CDK19: variants seen among roughly 807,000 people sequenced by gnomAD.
CDK19 encodes cyclin dependent kinase 19.
Under a neutral mutation model 68.3 loss-of-function variants are expected in CDK19, and 20 were observed. The observed-to-expected ratio is 0.29, with a 90% CI of 0.21 to 0.43. The LOEUF (loss-of-function observed/expected upper bound fraction) is 0.43, where lower values mean the gene tolerates loss of function less well. Among genes scored for constraint, CDK19 ranks in the 20% least tolerant of loss-of-function variants. The probability of loss-of-function intolerance (pLI) is 1.00; values close to 1 mark genes in which losing one functional copy is unlikely to be tolerated. For synonymous variants in CDK19, 221 were observed against 222.8 expected (o/e 0.99, Z 0.07); for missense variants, 339 against 623.5 (o/e 0.54, Z 4.86).
At chr6:110,737,830 A>C (rs79045787) in intron 2 of CDK19, among the ~76,000 whole-genome samples, 7,324 of 152,232 alleles carry the variant, frequency 0.048, 184 homozygotes, top group Middle Eastern at 0.078. Flanking sequence ...AGGAAAAAAA[A>C]CCCACATTTT....
At chr6:110,753,659 T>C (rs1778635777) in intron 1 of CDK19, among the ~76,000 whole-genome samples, 1 of 152,014 alleles carries the variant, frequency 6.6e-6, no homozygotes, top group South Asian at 2.1e-4. Context: ...GTGCTGGGAT[T>C]AGAGGGGTGA....
chr6:110,723,341 C>G (rs556653760), intron 2 of CDK19, among the ~76,000 whole-genome samples: 2 of 152,152 alleles, frequency 1.3e-5, no homozygotes, highest in South Asian at 4.1e-4. Context: ...TTCCAGTCTT[C>G]CCAACTGAGA....
At chr6:110,757,195 GATTA>G (rs765095031) in intron 1 of CDK19, among the ~76,000 whole-genome samples, 6 of 152,128 alleles carry the variant, frequency 3.9e-5, no homozygotes, top group Admixed American at 6.6e-5. Flanking sequence ...GAATTTAGAG[GATTA>G]ATTAACAGGA....
intron 1 of CDK19, among the ~76,000 whole-genome samples, chr6:110,799,475 A>T (rs758770399): frequency 6.6e-6 from 1 of 152,170 alleles, no homozygotes; most frequent in African/African-American, 2.4e-5. Flanking sequence ...CATATAACCT[A>T]TATGTATCCT....
At chr6:110,744,255 C>CT (rs1416186567) in intron 2 of CDK19, among the ~76,000 whole-genome samples, 1 of 151,956 alleles carries the variant, frequency 6.6e-6, no homozygotes, top group Non-Finnish European at 1.5e-5. Flanking sequence ...GATCCACCCC[C>CT]CCAACAGCCT....
chr6:110,670,718 T>C (rs937979198), intron 2 of CDK19, 177 bp from the exon 3 acceptor site: 2 of 655,938 alleles, frequency 3.0e-6, no homozygotes, highest in Middle Eastern at 2.4e-4. Context: ...GTCAATATCT[T>C]GGTGCATATC....
At chr6:110,693,963 C>T (rs1484422228) in intron 2 of CDK19, among the ~76,000 whole-genome samples, 1 of 151,180 alleles carries the variant, frequency 6.6e-6, no homozygotes, top group African/African-American at 2.4e-5. Context: ...GCAAGCACTA[C>T]AATAAATGCT....
intron 2 of CDK19, among the ~76,000 whole-genome samples, chr6:110,729,425 T>C (rs1032090364): frequency 6.8e-6 from 1 of 146,306 alleles, no homozygotes; most frequent in African/African-American, 2.5e-5. Flanking sequence ...TATGTTATTT[T>C]GTTGTTTGTT....
intron 1 of CDK19, among the ~76,000 whole-genome samples, chr6:110,782,897 C>T (rs867503038): frequency 6.6e-6 from 1 of 152,174 alleles, no homozygotes; most frequent in Non-Finnish European, 1.5e-5. Flanking sequence ...CAATTTTATA[C>T]ATTTTGCTTC....
intron 8 of CDK19, among the ~76,000 whole-genome samples, chr6:110,624,505 CAAAA>C (rs1260132230): frequency 6.6e-6 from 1 of 151,928 alleles, no homozygotes; most frequent in Non-Finnish European, 1.5e-5. Flanking sequence ...CACTCAGTGA[CAAAA>C]AAACCACTGA....
intron 2 of CDK19, among the ~76,000 whole-genome samples, chr6:110,720,867 CAA>C (rs60184209): frequency 4.6e-4 from 43 of 92,520 alleles, no homozygotes; most frequent in African/African-American, 7.0e-4. Flanking sequence ...GACTCTGTCT[CAA>C]AAAAAAAAAA....
intron 1 of CDK19, among the ~76,000 whole-genome samples, chr6:110,784,203 G>A (rs1175983362): frequency 2.9e-5 from 4 of 138,796 alleles, no homozygotes; most frequent in Non-Finnish European, 4.7e-5. Flanking sequence ...AAAGTGAAAA[G>A]GCAACTCAAA....
At chr6:110,721,406 A>G (rs1253611708) in intron 2 of CDK19, among the ~76,000 whole-genome samples, 2 of 152,110 alleles carry the variant, frequency 1.3e-5, no homozygotes, top group Non-Finnish European at 2.9e-5. Context: ...GACTTCACCA[A>G]GGCCTCTCCA....
intron 2 of CDK19, among the ~76,000 whole-genome samples, chr6:110,691,227 C>T (rs1360261810): frequency 1.3e-5 from 2 of 152,142 alleles, no homozygotes; most frequent in Non-Finnish European, 2.9e-5. Flanking sequence ...GTAATCCCAG[C>T]ACTCTGGGAG....
intron 4 of CDK19, among the ~76,000 whole-genome samples, chr6:110,642,203 A>T (rs530664074): frequency 6.6e-6 from 1 of 150,510 alleles, no homozygotes; most frequent in South Asian, 2.1e-4. Flanking sequence ...CAGGAGGCTG[A>T]GGCAGGAGAA....
rs532472148 is a variant in CDK19, at chr6:110,612,071, G to A, written c.*2464C>T. The A allele has an allele frequency of 3.3e-5, 5 of 152,356 alleles. No individual in the cohort carries two copies. The highest frequency in any genetic ancestry group is 1.2e-4 in the African/African-American group (5 of 41,580). 9.4% of individuals were successfully genotyped at this position (152,356 alleles called of 1,614,324 possible). A position where few individuals can be genotyped will look rare whatever the true frequency, so the allele number is the denominator to read the frequency against. ...TATACAAGGAAAACAGGGTAGTTCTGTGAATGTATAAGCGTAAGAACTATT... is the reference window on the plus strand; with the variant it reads ...TATACAAGGAAAACAGGGTAGTTCTATGAATGTATAAGCGTAAGAACTATT... On this transcript the variant is annotated 3_prime_UTR_variant, in exon 13 of 13. Transcript: ENST00000368911.
At chr6:110,812,812 T>TAAAAAA (rs66478846) in intron 1 of CDK19, among the ~76,000 whole-genome samples, 5,552 of 101,238 alleles carry the variant, frequency 0.055, 98 homozygotes, top group Middle Eastern at 0.095. Context: ...TTTAAAACAG[T>TAAAAAA]AAAAAAAAAA....
intron 2 of CDK19, among the ~76,000 whole-genome samples, chr6:110,682,104 C>G (rs1357353231): frequency 6.6e-6 from 1 of 152,180 alleles, no homozygotes; most frequent in African/African-American, 2.4e-5. Flanking sequence ...TCATGGGTCC[C>G]TGACTCCTTT....
intron 1 of CDK19, among the ~76,000 whole-genome samples, chr6:110,807,211 G>A (rs1782739571): frequency 6.6e-6 from 1 of 151,722 alleles, no homozygotes; most frequent in Admixed American, 6.6e-5. Flanking sequence ...AGGCTGAGGT[G>A]AAACAATCGC....
Sources: gnomAD v4.1 joint callset for allele counts (sites outside exome capture counted in the v4.1 genomes callset) on GRCh38, gnomAD v4.1.1 for gene constraint, MANE v1.5 for transcripts, NCBI Gene and HGNC (gene_info 2026-07-23, HGNC 2026-07-21) for gene names.